Variants in TRMT9B observed in about 807,000 individuals in gnomAD.
TRMT9B encodes the protein probable tRNA methyltransferase 9B.
In TRMT9B, 16 loss-of-function variants were observed where a neutral mutation model predicts 11.5. That is an observed-to-expected ratio of 1.39 (90% confidence interval 0.94 to 2.11). The LOEUF is 2.11. Ranked by LOEUF, TRMT9B falls within the 30% of genes most tolerant of loss-of-function variation. TRMT9B has a pLI of 0.00. For missense variants in TRMT9B, 941 were observed against 553.8 expected, an observed-to-expected ratio of 1.70 and a Z score of -7.02; for synonymous variants, 274 against 192.4, an observed-to-expected ratio of 1.42 and a Z score of -3.51.
chr8:12,967,473 A>T (rs979487363), intron 1 of TRMT9B, among the ~76,000 whole-genome samples: 2 of 152,180 alleles, frequency 1.3e-5, no homozygotes, highest in Non-Finnish European at 2.9e-5. Flanking sequence ...TTTACCCCAG[A>T]GATTTTTCTT....
chr8:12,980,020 A>G (rs1461419934), intron 1 of TRMT9B, among the ~76,000 whole-genome samples: 6 of 152,148 alleles, frequency 3.9e-5, no homozygotes, highest in Non-Finnish European at 8.8e-5. Flanking sequence ...AGAGTCCAGG[A>G]TGAGAGTTCA....
At position 13,023,821 on chromosome 8, in the gene TRMT9B, TAAAG is replaced by T. The variant is rs942392047; in HGVS notation, c.*1781_*1784del. 4.2e-5 allele frequency: 7 copies of T among 166,626 alleles called. No individual in the cohort carries two copies. The highest frequency in any genetic ancestry group is 1.5e-5 in the Non-Finnish European group (1 of 68,104). 10.3% of individuals were successfully genotyped at this position (166,626 alleles called of 1,614,324 possible). ...TAATGATGTTACTTTTGAACAAACTTAAAGAAATATTTTTAAAGCGTATCTGAAA... is the reference window on the plus strand; with the variant it reads ...TAATGATGTTACTTTTGAACAAACTTAAATATTTTTAAAGCGTATCTGAAA... On this transcript the variant is annotated 3_prime_UTR_variant, in exon 5 of 5. Transcript: ENST00000524591.
intron 1 of TRMT9B, among the ~76,000 whole-genome samples, chr8:12,956,241 C>T (rs1482756644): frequency 6.6e-6 from 1 of 152,122 alleles, no homozygotes; most frequent in Non-Finnish European, 1.5e-5. Flanking sequence ...TCATGCCTAA[C>T]ACATATCTAA....
chr8:12,992,044 T>C (rs527780290), intron 2 of TRMT9B, among the ~76,000 whole-genome samples: 1 of 152,328 alleles, frequency 6.6e-6, no homozygotes, highest in African/African-American at 2.4e-5. Context: ...CAGCTGGCTC[T>C]TTAGGATTTA....
intron 1 of TRMT9B, among the ~76,000 whole-genome samples, chr8:12,981,379 C>G (rs1033475917): frequency 3.9e-5 from 6 of 152,138 alleles, no homozygotes; most frequent in African/African-American, 1.4e-4. Context: ...AGATGCAGAT[C>G]AGATTGTGGG....
intron 1 of TRMT9B, among the ~76,000 whole-genome samples, chr8:12,987,127 C>T (rs1044300118): frequency 2.6e-5 from 4 of 152,142 alleles, no homozygotes; most frequent in South Asian, 2.1e-4. Flanking sequence ...GTTAAGAGTG[C>T]GAACGCTAGG....
chr8:12,974,654 G>A (rs974971738), intron 1 of TRMT9B, among the ~76,000 whole-genome samples: 7 of 151,100 alleles, frequency 4.6e-5, no homozygotes, highest in African/African-American at 9.7e-5. Context: ...TACTGCCTGC[G>A]TTGCAGTGAA....
chr8:12,992,808 G>A (rs1807604319), intron 2 of TRMT9B, among the ~76,000 whole-genome samples: 2 of 152,114 alleles, frequency 1.3e-5, no homozygotes, highest in South Asian at 2.1e-4. Context: ...GGCAGAGGTT[G>A]CAGTGAGCAG....
rs2128904714 is a variant in TRMT9B at position 13,023,683 on chromosome 8, G to C, written c.*1639G>C. On this transcript the variant is annotated 3_prime_UTR_variant, in exon 5 of 5. Transcript: ENST00000524591. The stretch of plus-strand genomic sequence containing the variant: ...ACAAGAGTCTTTTTACTTTATGCTG[G>C]ATGAAAATCCAAATCTTGTTTTATT... The C allele has an allele frequency of 6.0e-6, 1 of 167,136 alleles. No homozygotes were observed. Among genetic ancestry groups the C allele is most frequent in the South Asian group, 2.1e-4 (1 of 4,828 alleles). The allele number at this position is 167,136 out of a possible 1,614,324, so 10.4% of individuals were successfully genotyped here. A position where few individuals can be genotyped will look rare whatever the true frequency, so the allele number is the denominator to read the frequency against.
chr8:12,981,952 C>T (rs1479164366), intron 1 of TRMT9B, among the ~76,000 whole-genome samples: 1 of 152,116 alleles, frequency 6.6e-6, no homozygotes, highest in Non-Finnish European at 1.5e-5. Context: ...AAATTCTGTT[C>T]AATTTCAAAG....
chr8:13,021,253 C>A lies in TRMT9B; in HGVS notation c.574C>A (p.Pro192Thr), dbSNP rs1299684231. The A allele has an allele frequency of 1.2e-6, 2 of 1,614,012 alleles. No homozygotes were observed. The highest frequency in any genetic ancestry group is 1.7e-4 in the Middle Eastern group (1 of 6,060). Reference sequence around the variant, plus strand: ...CCCAGAAAGAGGCCATCCCTACCATCCTCCTTGCTCTGAGTGTAGCTGTTC... The same window carrying A: ...CCCAGAAAGAGGCCATCCCTACCATACTCCTTGCTCTGAGTGTAGCTGTTC... ...GYPERGHPYHPPCSECSCSVC... is the reference protein window; with the variant it reads ...GYPERGHPYHTPCSECSCSVC... The change falls in exon 5 of 5, where the codon CCT (proline) becomes ACT (threonine). Residue 192 changes from proline (P) to threonine (T), a missense_variant. Pro to Thr is a conservative substitution (Grantham distance 38). Coordinates refer to ENST00000524591, the MANE Select transcript of TRMT9B (RefSeq NM_020844.3).
At chr8:12,982,831 G>C (rs1159238219) in intron 1 of TRMT9B, among the ~76,000 whole-genome samples, 1 of 152,196 alleles carries the variant, frequency 6.6e-6, no homozygotes, top group Non-Finnish European at 1.5e-5. Context: ...ACTGGTTGCA[G>C]TCAAAATGCA....
At chr8:12,991,235 C>T (rs913307276) in intron 2 of TRMT9B, among the ~76,000 whole-genome samples, 7 of 152,170 alleles carry the variant, frequency 4.6e-5, no homozygotes, top group African/African-American at 1.4e-4. Context: ...ATTATAAGAA[C>T]ATATTTAGCA....
chr8:12,962,302 A>G (rs1240780068), intron 1 of TRMT9B: 1 of 152,200 alleles, frequency 6.6e-6, no homozygotes, highest in Admixed American at 6.5e-5. Flanking sequence ...GTAGAAACCT[A>G]CATGCAGAAT....
rs959882143 is a variant in TRMT9B at position 13,027,730 on chromosome 8, C to T, written c.*5686C>T. On this transcript the variant is annotated 3_prime_UTR_variant, in exon 5 of 5. Coordinates refer to ENST00000524591, the MANE Select transcript of TRMT9B (RefSeq NM_020844.3). ...AAAAATGCACGATACAGGCTTCATT[C>T]TATCAAGAGGCATATGAGGTAAGCG... 6.0e-6 allele frequency: 1 copy of T among 167,034 alleles called. No individual in the cohort carries two copies. The highest frequency in any genetic ancestry group is 1.5e-5 in the Non-Finnish European group (1 of 68,118). The allele number at this position is 167,034 out of a possible 1,614,324, so 10.3% of individuals were successfully genotyped here. A position where few individuals can be genotyped will look rare whatever the true frequency, so the allele number is the denominator to read the frequency against.
intron 1 of TRMT9B, among the ~76,000 whole-genome samples, chr8:12,973,948 C>T (rs763171921): frequency 9.2e-5 from 14 of 152,006 alleles, no homozygotes; most frequent in Non-Finnish European, 2.1e-4. Flanking sequence ...TCGCTTAAGG[C>T]CAGGAGTTTC....
At chr8:13,017,985 A>C (rs1486320491) in intron 4 of TRMT9B, among the ~76,000 whole-genome samples, 2 of 151,812 alleles carry the variant, frequency 1.3e-5, no homozygotes, top group East Asian at 3.9e-4. Context: ...TTTAAGTATA[A>C]ATATAAAACA....
intron 4 of TRMT9B, among the ~76,000 whole-genome samples, chr8:13,014,207 G>C (rs192905122): frequency 3.9e-5 from 6 of 152,210 alleles, no homozygotes; most frequent in Non-Finnish European, 8.8e-5. Flanking sequence ...CTTGCTCTCT[G>C]ATAGTCTCAT....
chr8:12,990,255 T>C (rs960177360), intron 1 of TRMT9B, among the ~76,000 whole-genome samples: 2 of 152,198 alleles, frequency 1.3e-5, no homozygotes, highest in African/African-American at 4.8e-5. Context: ...TTTCCTATCA[T>C]ATCAGGCATC....
Sources: gnomAD v4.1 joint callset for allele counts (sites outside exome capture counted in the v4.1 genomes callset) on GRCh38, gnomAD v4.1.1 for gene constraint, MANE v1.5 for transcripts, NCBI Gene and HGNC (gene_info 2026-07-23, HGNC 2026-07-21) for gene names.